The following DBF4B variants were observed in gnomAD, a reference collection of about 807,000 sequenced individuals.
DBF4B encodes the protein DBF4B-CDC7 kinase regulatory subunit, also known as protein DBF4 homolog B.
In DBF4B, 49 loss-of-function variants were observed where a neutral mutation model predicts 53.4. The observed-to-expected ratio is 0.92, with a 90% confidence interval of 0.73 to 1.16. DBF4B has a LOEUF of 1.16. Among genes scored for constraint, DBF4B ranks in the 50% most tolerant of loss-of-function variants. The pLI, the probability that DBF4B is intolerant of heterozygous loss-of-function variation, is 0.00. For synonymous variants in DBF4B, 257 were observed against 288.7 expected, an observed-to-expected ratio of 0.89 and a Z score of 1.11; for missense variants, 692 against 775.0, an observed-to-expected ratio of 0.89 and a Z score of 1.27.
chr17:44,747,556 C>A lies in DBF4B; in HGVS notation c.1064+41C>A, dbSNP rs2049140105. On this transcript the variant is annotated intron_variant, in intron 12 of 13. Transcript: ENST00000315005. ...GCAGGCACAACTGTGTCTGCTCTCT[C>A]CTCTGTTGCCCTCTGGGTGGGAAGA... is the stretch of plus-strand genomic sequence containing the variant. The A allele has an allele frequency of 1.9e-6, 3 of 1,606,294 alleles. No individual in the cohort carries two copies. In the South Asian group the frequency reaches 3.3e-5, roughly 18 times the overall value.
chr17:44,741,168 T>C (rs1433452764), intron 9 of DBF4B, among the ~76,000 whole-genome samples, 168 bp from the exon 10 acceptor site: 1 of 151,750 alleles, frequency 6.6e-6, no homozygotes, highest in African/African-American at 2.4e-5. Flanking sequence ...GGAGAACATA[T>C]GTATTAATTT....
Position 44,751,662 on chromosome 17 carries a change from C to T in DBF4B, c.*409C>T, listed in dbSNP as rs1360460635. On this transcript the variant is annotated 3_prime_UTR_variant, in exon 14 of 14. Coordinates refer to ENST00000315005, the MANE Select transcript of DBF4B (RefSeq NM_145663.3). ...TCAAATACTTGAAGGCTCCCACCTTCTGTTCTCTGGCTCCTTCCTGCGGTC... is the reference window on the plus strand; with the variant it reads ...TCAAATACTTGAAGGCTCCCACCTTTTGTTCTCTGGCTCCTTCCTGCGGTC... The T allele has an allele frequency of 7.2e-7, 1 of 1,394,942 alleles. No individual in the cohort carries two copies. The highest frequency in any genetic ancestry group is 1.4e-5 in the African/African-American group (1 of 69,004). The allele number at this position is 1,394,942 out of a possible 1,614,324, so 86.4% of individuals were successfully genotyped here.
chr17:44,713,142 C>A (rs145991919), intron 2 of DBF4B, among the ~76,000 whole-genome samples: 3,147 of 148,396 alleles, frequency 0.021, 51 homozygotes, highest in South Asian at 0.084. Context: ...CGGGTTCATG[C>A]CATTCTTCTG....
chr17:44,711,774 A>G (rs1010813209), intron 2 of DBF4B, among the ~76,000 whole-genome samples: 28 of 152,190 alleles, frequency 1.8e-4, no homozygotes, highest in Admixed American at 6.5e-4. Flanking sequence ...ATCTCTACTA[A>G]AAATACAAAA....
chr17:44,736,870 A>G lies in DBF4B; in HGVS notation c.667+4A>G, dbSNP rs779487820. On this transcript the variant is annotated splice_donor_region_variant and intron_variant, in intron 8 of 13. Coordinates refer to ENST00000315005, the MANE Select transcript of DBF4B (RefSeq NM_145663.3). ...GCAGAGTCAAGAACACGGAAAGGTCAGTGTGGTAGCTTTTCCTCATCTAAT... is the reference window on the plus strand; with the variant it reads ...GCAGAGTCAAGAACACGGAAAGGTCGGTGTGGTAGCTTTTCCTCATCTAAT... 1 of 1,613,936 alleles carries G rather than the reference A, an allele frequency of 6.2e-7. No individual in the cohort carries two copies. The highest frequency in any genetic ancestry group is 2.2e-5 in the East Asian group (1 of 44,872).
chr17:44,740,069 A>AT lies in DBF4B; in HGVS notation c.714-1257dup, dbSNP rs372660771. On this transcript the variant is annotated intron_variant, in intron 9 of 13. Transcript: ENST00000315005. ...GAGCCACAGTGCCCAGCCTCTTGTG[A>AT]TTTTTTTTTTATGTGCTGTTTTGAA... is the stretch of plus-strand genomic sequence containing the variant. 3.2e-3 allele frequency among the ~76,000 whole-genome samples: 485 copies of AT among 149,952 alleles called. 3 individuals carry two copies. Among genetic ancestry groups the AT allele is most frequent in the African/African-American group, 0.011 (445 of 40,906 alleles).
At chr17:44,725,116 CAAAAAAAAAA>C (rs57821218) in intron 3 of DBF4B, among the ~76,000 whole-genome samples, 2 of 47,600 alleles carry the variant, frequency 4.2e-5, no homozygotes, top group Non-Finnish European at 8.4e-5. Context: ...GACTCCATCT[CAAAAAAAAAA>C]AAAAAAAAAA....
intron 7 of DBF4B, among the ~76,000 whole-genome samples, chr17:44,736,240 T>A (rs2145020421): frequency 6.6e-6 from 1 of 152,068 alleles, no homozygotes; most frequent in South Asian, 2.1e-4. Context: ...TGCCTCGGCC[T>A]ACCAAAATGT....
In DBF4B at chr17:44,751,116, T is replaced by A. The variant is rs117190451; in HGVS notation, c.1711T>A (p.Ser571Thr). 4.3e-3 allele frequency: 6,922 copies of A among 1,614,102 alleles called. 18 individuals carry two copies. The highest frequency in any genetic ancestry group is 5.2e-3 in the Non-Finnish European group (6,183 of 1,180,012). The change falls in exon 14 of 14, where the codon TCA becomes ACA. Residue 571 changes from serine (S) to threonine (T), a missense_variant. Physicochemically the swap from Ser to Thr is moderately conservative, Grantham distance 58. Transcript: ENST00000315005. ...AACTGCAGGACCCATTCCCCGAACCTCACATCCGTGTACCCTTGCCTTCCC... is the reference window on the plus strand; with the variant it reads ...AACTGCAGGACCCATTCCCCGAACCACACATCCGTGTACCCTTGCCTTCCC... ...LSTAGPIPRT[S>T]HPCTLAFPSY...
rs1192312029 is a variant in DBF4B at position 44,748,427 on chromosome 17, C to T, written c.1151C>T (p.Ser384Phe). The change falls in exon 13 of 14, where the codon TCT becomes TTT. Residue 384 changes from serine to phenylalanine, a missense_variant. Around this residue, in one of 3 missense-constraint regions of DBF4B, gnomAD observed 597 missense variants for 665.8 expected, o/e 0.90. Coordinates refer to ENST00000315005, the MANE Select transcript of DBF4B (RefSeq NM_145663.3). ...PHQPSHPRAA[S>F]PRIRKEDSCQ... ...CAGCCCTCCCATCCCAGGGCAGCATCTCCCAGGATAAGGAAAGAAGACAGC... is the reference window on the plus strand; with the variant it reads ...CAGCCCTCCCATCCCAGGGCAGCATTTCCCAGGATAAGGAAAGAAGACAGC... 1.2e-6 allele frequency: 2 copies of T among 1,614,144 alleles called. No homozygotes were observed. The highest frequency in any genetic ancestry group is 1.1e-5 in the South Asian group (1 of 91,082).
intron 3 of DBF4B, among the ~76,000 whole-genome samples, chr17:44,727,116 A>C (rs988123287): frequency 2.0e-5 from 3 of 149,578 alleles, no homozygotes; most frequent in Admixed American, 1.3e-4. Context: ...AAAAAAAAAA[A>C]AAAAAACCAT....
chr17:44,748,598 C>A, intron 13 of DBF4B, 133 bp downstream of exon 13: 1 of 1,530,574 alleles, frequency 6.5e-7, no homozygotes, highest in Non-Finnish European at 8.8e-7. Flanking sequence ...GTGGACCCCC[C>A]AGGGATACCA....
At chr17:44,726,826 C>T (rs887349532) in intron 3 of DBF4B, among the ~76,000 whole-genome samples, 1 of 152,112 alleles carries the variant, frequency 6.6e-6, no homozygotes, top group African/African-American at 2.4e-5. Flanking sequence ...GGGCTAGGCA[C>T]AGTGGCTCAC....
Position 44,734,071 on chromosome 17 carries a change from C to G in DBF4B, c.557-19C>G, listed in dbSNP as rs765799321. On this transcript the variant is annotated intron_variant, in intron 6 of 13. Transcript: ENST00000315005. ...GAAGACTGGAAGCCTTTGGCACAAA[C>G]CCTCTGTCTTCTCCACAGAAATGAT... 6.2e-6 allele frequency: 10 copies of G among 1,606,734 alleles called. No individual in the cohort carries two copies. The highest frequency in any genetic ancestry group is 8.5e-6 in the Non-Finnish European group (10 of 1,173,400).
rs2049253435 is a variant in DBF4B at position 44,750,490 on chromosome 17, T to G, written c.1190-105T>G. On this transcript the variant is annotated intron_variant, in intron 13 of 13. Transcript: ENST00000315005. ...TCATGTTACCCCCTTCCTGTTAAATTTTACAATTAATTTTGGTTCAGGAAA... is the reference window on the plus strand; with the variant it reads ...TCATGTTACCCCCTTCCTGTTAAATGTTACAATTAATTTTGGTTCAGGAAA... The G allele has an allele frequency of 3.3e-6, 5 of 1,495,432 alleles. No individual in the cohort carries two copies. The South Asian group carries it at 6.8e-5, about 20-fold the overall frequency. The allele number at this position is 1,495,432 out of a possible 1,614,324, so 92.6% of individuals were successfully genotyped here. A position where few individuals can be genotyped will look rare whatever the true frequency, so the allele number is the denominator to read the frequency against.
At chr17:44,747,932 G>C (rs1363382869) in intron 12 of DBF4B, among the ~76,000 whole-genome samples, 1 of 152,144 alleles carries the variant, frequency 6.6e-6, no homozygotes, top group Non-Finnish European at 1.5e-5. Context: ...TCTGAGCCCT[G>C]CTTCCCCTTG....
Position 44,749,079 on chromosome 17 carries a change from A to T in DBF4B, c.1189+614A>T. On this transcript the variant is annotated intron_variant, in intron 13 of 13. Transcript: ENST00000315005. The surrounding 1 kb of genome is among the most constrained non-coding windows in gnomAD (Gnocchi z 4.4). ...AGCTCCTCAGCTGCCCCACAGCTCC[A>T]GGCTGGCCATCAGCTCCCCTGTACT... 1.6e-6 allele frequency: 2 copies of T among 1,289,792 alleles called. No homozygotes were observed. The highest frequency in any genetic ancestry group is 2.0e-6 in the Non-Finnish European group (2 of 988,854). 79.9% of individuals were successfully genotyped at this position (1,289,792 alleles called of 1,614,324 possible).
chr17:44,731,090 T>C, intron 5 of DBF4B, 75 bp downstream of exon 5: 2 of 1,558,998 alleles, frequency 1.3e-6, no homozygotes, highest in Non-Finnish European at 1.8e-6. Context: ...TCCCAGGTTC[T>C]TCTGAAGCAC....
Position 44,736,813 on chromosome 17 carries a change from T to G in DBF4B, c.631-17T>G. The stretch of plus-strand genomic sequence containing the variant: ...TGGCTTCCTCACATCCTTAACCTAT[T>G]TTTCCTTTCCATTTAGGGAACATGT... On this transcript the variant is annotated splice_polypyrimidine_tract_variant and intron_variant, in intron 7 of 13. Coordinates refer to ENST00000315005, the MANE Select transcript of DBF4B (RefSeq NM_145663.3). 6.2e-7 allele frequency: 1 copy of G among 1,613,934 alleles called. No homozygotes were observed. Among genetic ancestry groups the G allele is most frequent in the Non-Finnish European group, 8.5e-7 (1 of 1,179,924 alleles).
Sources: allele counts gnomAD v4.1 joint callset (sites outside exome capture counted in the v4.1 genomes callset), GRCh38; gene constraint gnomAD v4.1.1; regional missense constraint gnomAD v4.1.1; non-coding constraint Gnocchi (gnomAD v3.1); transcripts MANE v1.5; gene names NCBI Gene and HGNC (gene_info 2026-07-23, HGNC 2026-07-21).